SPON1: variants seen among roughly 807,000 people sequenced by gnomAD.
SPON1 encodes the protein spondin 1.
A neutral mutation model predicts 111.7 loss-of-function variants in SPON1; 52 were observed. That is an observed-to-expected ratio of 0.47 (90% CI 0.37 to 0.59). SPON1 has a LOEUF of 0.59. Among genes scored for constraint, SPON1 ranks in the 20% least tolerant of loss-of-function variants. SPON1 has a pLI of 0.00. For missense variants in SPON1, 957 were observed against 1,068.5 expected, an observed-to-expected ratio of 0.90 and a Z score of 1.46; for synonymous variants, 410 against 395.8, an observed-to-expected ratio of 1.04 and a Z score of -0.43.
intron 6 of SPON1, among the ~76,000 whole-genome samples, chr11:14,173,006 G>A (rs193075817): frequency 1.7e-4 from 26 of 151,888 alleles, no homozygotes; most frequent in Non-Finnish European, 2.5e-4. Context: ...TCTTTGTGGC[G>A]TTCTCTGTAT....
chr11:14,053,364 A>G lies in SPON1; in HGVS notation c.479+11710A>G, dbSNP rs575850628. Among the ~76,000 whole-genome samples, 320 of 152,156 alleles carry G rather than the reference A, an allele frequency of 2.1e-3. 1 individual carries two copies. Among genetic ancestry groups the G allele is most frequent in the Non-Finnish European group, 2.9e-3 (199 of 68,010 alleles). On this transcript the variant is annotated intron_variant, in intron 3 of 15. Coordinates refer to ENST00000576479, the MANE Select transcript of SPON1 (RefSeq NM_006108.4). Reference sequence around the variant, plus strand: ...ACATTCCGGCTCTATGGACTTACCTATTCTTGATATTTCATATAAATGGAA... The same window carrying G: ...ACATTCCGGCTCTATGGACTTACCTGTTCTTGATATTTCATATAAATGGAA...
rs1242661322 is a variant in SPON1, at chr11:14,255,496, A to T, written c.1093-151A>T. 4.5e-6 allele frequency: 3 copies of T among 667,956 alleles called. No individual in the cohort carries two copies. In the African/African-American group the frequency reaches 5.5e-5, roughly 12 times the overall value. The allele number at this position is 667,956 out of a possible 1,614,324, so 41.4% of individuals were successfully genotyped here. On this transcript the variant is annotated intron_variant, in intron 8 of 15. Transcript: ENST00000576479. ...AGTTCTAGAAATTTCTCAGCACAGT[A>T]TGTGGCATGAACACAATTCCATAAA...
intron 6 of SPON1, among the ~76,000 whole-genome samples, chr11:14,160,461 A>C (rs1438350594): frequency 4.4e-5 from 1 of 22,980 alleles, no homozygotes; most frequent in Non-Finnish European, 6.9e-5. Context: ...ATATTTATAT[A>C]TATATATTTA....
At chr11:14,090,092 A>G (rs1849037418) in intron 5 of SPON1, among the ~76,000 whole-genome samples, 1 of 151,514 alleles carries the variant, frequency 6.6e-6, no homozygotes. Context: ...CTCCACGGGA[A>G]TGGGACCGGC....
chr11:14,260,983 A>G (rs1020767839), intron 14 of SPON1, among the ~76,000 whole-genome samples: 1 of 152,196 alleles, frequency 6.6e-6, no homozygotes, highest in African/African-American at 2.4e-5. Flanking sequence ...GTTCCTGTGA[A>G]GTCTAAATGA....
At chr11:14,037,366 TAA>T (rs200043505) in intron 2 of SPON1, among the ~76,000 whole-genome samples, 5 of 151,690 alleles carry the variant, frequency 3.3e-5, no homozygotes, top group Non-Finnish European at 7.4e-5. Flanking sequence ...GTGGTATTAG[TAA>T]AAAAATAGTC....
At chr11:13,986,741 A>G (rs1047614204) in intron 2 of SPON1, among the ~76,000 whole-genome samples, 3 of 151,660 alleles carry the variant, frequency 2.0e-5, no homozygotes, top group Non-Finnish European at 4.4e-5. Context: ...AGACCCTGGT[A>G]TGTGATGTTC....
At chr11:14,063,348 ATTTCT>A (rs1554920053) in intron 3 of SPON1, among the ~76,000 whole-genome samples, 1 of 152,128 alleles carries the variant, frequency 6.6e-6, no homozygotes. Context: ...GATCACATTA[ATTTCT>A]TTTCCACATT....
intron 6 of SPON1, among the ~76,000 whole-genome samples, chr11:14,226,446 C>G (rs1438206252): frequency 6.6e-6 from 1 of 152,154 alleles, no homozygotes; most frequent in Non-Finnish European, 1.5e-5. Flanking sequence ...GGTTGTTTAC[C>G]CTTGTGATCG....
chr11:14,146,522 CA>C (rs1232537201), intron 6 of SPON1, among the ~76,000 whole-genome samples: 16 of 151,942 alleles, frequency 1.1e-4, no homozygotes, highest in African/African-American at 2.4e-4. Context: ...ATATTCCCCC[CA>C]AAAAAAATAC....
intron 6 of SPON1, among the ~76,000 whole-genome samples, chr11:14,180,730 T>G (rs1285356478): frequency 2.6e-5 from 4 of 152,200 alleles, no homozygotes; most frequent in Non-Finnish European, 5.9e-5. Flanking sequence ...ATGTCTGTGC[T>G]CATTATTGGC....
intron 5 of SPON1, among the ~76,000 whole-genome samples, chr11:14,133,893 G>A (rs575575363): frequency 1.3e-5 from 2 of 152,298 alleles, no homozygotes; most frequent in South Asian, 2.1e-4. Context: ...CTCTGCCTGG[G>A]GTGGGCCGTG....
At chr11:14,018,549 T>G (rs908169600) in intron 2 of SPON1, among the ~76,000 whole-genome samples, 2 of 152,108 alleles carry the variant, frequency 1.3e-5, no homozygotes, top group African/African-American at 4.8e-5. Context: ...ATAACTTGGT[T>G]TGGGAATGTG....
rs564621526 is a variant in SPON1, at chr11:14,139,579, T to A, written c.825+4011T>A. Among the ~76,000 whole-genome samples the A allele has an allele frequency of 3.4e-4, 52 of 152,256 alleles. 1 individual carries two copies. The highest frequency in any genetic ancestry group is 2.7e-3 in the Admixed American group (41 of 15,300). ...CTTTATAAATATTTATTGAACTTAT[T>A]AGTTTATTCATTTGGTAATTTTACT... On this transcript the variant is annotated intron_variant, in intron 6 of 15. Transcript: ENST00000576479.
chr11:14,122,389 G>A (rs1330100416), intron 5 of SPON1, among the ~76,000 whole-genome samples: 1 of 152,158 alleles, frequency 6.6e-6, no homozygotes, highest in African/African-American at 2.4e-5. Flanking sequence ...TAGCCAGGAT[G>A]GTCTTGATCT....
At chr11:13,977,234 G>A (rs1303104497) in intron 1 of SPON1, among the ~76,000 whole-genome samples, 1 of 152,214 alleles carries the variant, frequency 6.6e-6, no homozygotes, top group Non-Finnish European at 1.5e-5. Context: ...GGGTGATAGG[G>A]TAAGAGTATG....
At chr11:14,185,618 G>A (rs1203722450) in intron 6 of SPON1, among the ~76,000 whole-genome samples, 2 of 152,226 alleles carry the variant, frequency 1.3e-5, no homozygotes. Context: ...TAGCACACAG[G>A]CATCACTGCA....
intron 5 of SPON1, among the ~76,000 whole-genome samples, chr11:14,113,515 A>C (rs928138331): frequency 4.2e-5 from 6 of 143,062 alleles, no homozygotes; most frequent in Non-Finnish European, 9.0e-5. Context: ...TCCTGAGTGC[A>C]CCTACTATGT....
chr11:14,132,227 G>A (rs1847536954), intron 5 of SPON1, among the ~76,000 whole-genome samples: 1 of 151,848 alleles, frequency 6.6e-6, no homozygotes, highest in Non-Finnish European at 1.5e-5. Flanking sequence ...GCAGTGAGCT[G>A]AGATTCTGCC....
Sources: allele counts gnomAD v4.1 joint callset (sites outside exome capture counted in the v4.1 genomes callset), GRCh38; gene constraint gnomAD v4.1.1; transcripts MANE v1.5; gene names NCBI Gene and HGNC (gene_info 2026-07-23, HGNC 2026-07-21).